The following ZC3H12B variants were observed in gnomAD, a reference collection of about 807,000 sequenced individuals.
The protein encoded by ZC3H12B is zinc finger CCCH-type containing 12B.
In ZC3H12B, 7 loss-of-function variants were observed where a neutral mutation model predicts 43.9. The observed-to-expected ratio is 0.16, with a 90% CI of 0.09 to 0.30. The LOEUF (loss-of-function observed/expected upper bound fraction) is 0.30, where lower values mean the gene tolerates loss of function less well. ZC3H12B is among the 10% of genes least tolerant of loss of function. The pLI, the probability that ZC3H12B is intolerant of heterozygous loss-of-function variation, is 1.00. For synonymous variants in ZC3H12B, 222 were observed against 241.7 expected, an observed-to-expected ratio of 0.92 and a Z score of 0.76; for missense variants, 475 against 670.2, an observed-to-expected ratio of 0.71 and a Z score of 3.22.
At chrX:65,184,083 A>G in the ZC3H12B span, among the ~76,000 whole-genome samples, 1 of 111,430 alleles carries the variant, frequency 9.0e-6, no homozygotes, top group African/African-American at 3.3e-5. Context: ...TATGTAAAGC[A>G]CACAACACAT....
At chrX:65,072,349 G>A in the ZC3H12B span, among the ~76,000 whole-genome samples, 1 of 112,163 alleles carries the variant, frequency 8.9e-6, no homozygotes, top group South Asian at 3.7e-4. Flanking sequence ...ATCAGTTTCT[G>A]TAACATTACA....
the ZC3H12B span, among the ~76,000 whole-genome samples, chrX:65,292,220 T>A: frequency 8.9e-6 from 1 of 111,758 alleles, no homozygotes; most frequent in Non-Finnish European, 1.9e-5. Context: ...CAATTCTTTA[T>A]CTCACATGGA....
the ZC3H12B span, among the ~76,000 whole-genome samples, chrX:65,122,162 T>C: frequency 9.0e-6 from 1 of 111,234 alleles, no homozygotes; most frequent in Non-Finnish European, 1.9e-5. Flanking sequence ...GTCTATTAGG[T>C]CTGCTTGGTG....
At chrX:65,488,937 C>T in exon 1 of ZC3H12B, 1 of 1,210,315 alleles carries the variant, frequency 8.3e-7, no homozygotes, top group African/African-American at 1.7e-5. Context: ...TGAGAGTGAC[C>T]CTGAACAGAT....
the ZC3H12B span, among the ~76,000 whole-genome samples, chrX:65,159,341 C>G: frequency 9.0e-6 from 1 of 111,671 alleles, no homozygotes; most frequent in Non-Finnish European, 1.9e-5. Flanking sequence ...GTCATTGAAT[C>G]TATAAATTAC....
At chrX:65,186,718 G>C in the ZC3H12B span, among the ~76,000 whole-genome samples, 1 of 110,470 alleles carries the variant, frequency 9.1e-6, no homozygotes, top group Admixed American at 9.7e-5. Flanking sequence ...CTGAAGTCCA[G>C]TGTATTATTC....
the ZC3H12B span, among the ~76,000 whole-genome samples, chrX:65,263,177 A>C: frequency 1.8e-5 from 2 of 111,581 alleles, no homozygotes; most frequent in African/African-American, 6.5e-5. Flanking sequence ...TGGTTGGCAG[A>C]TAATCACTTG....
intron 3 of ZC3H12B, among the ~76,000 whole-genome samples, chrX:65,430,914 G>A (rs1214888947): frequency 9.0e-6 from 1 of 111,070 alleles, no homozygotes; most frequent in Non-Finnish European, 1.9e-5. Flanking sequence ...CCCAATGCAA[G>A]AATCAGGATA....
intron 3 of ZC3H12B, among the ~76,000 whole-genome samples, chrX:65,468,857 C>CT (rs1275591786): frequency 7.1e-4 from 77 of 107,823 alleles, no homozygotes; most frequent in Admixed American, 2.6e-3. Context: ...AATTTTCTCT[C>CT]TTTTTTTTTC....
At chrX:65,451,048 A>G (rs953452294) in intron 3 of ZC3H12B, among the ~76,000 whole-genome samples, 2 of 107,827 alleles carry the variant, frequency 1.9e-5, no homozygotes, top group Admixed American at 2.0e-4. Flanking sequence ...CCTGGGTTCA[A>G]GCGATTCTTC....
the ZC3H12B span, among the ~76,000 whole-genome samples, chrX:65,206,408 G>A: frequency 8.9e-5 from 10 of 111,872 alleles, no homozygotes; most frequent in East Asian, 2.8e-3. Flanking sequence ...ACATAAAGTA[G>A]GGAAAGGACA....
chrX:65,473,394 G>T (rs1269867184), intron 3 of ZC3H12B, among the ~76,000 whole-genome samples: 2 of 111,558 alleles, frequency 1.8e-5, no homozygotes, highest in Non-Finnish European at 3.8e-5. Context: ...GCTATTCAGG[G>T]TCTTTTATGG....
At chrX:65,491,684 G>A (rs2068204905) in intron 1 of ZC3H12B, among the ~76,000 whole-genome samples, 1 of 102,047 alleles carries the variant, frequency 9.8e-6, no homozygotes, top group African/African-American at 3.9e-5. Context: ...TCCACCTTGA[G>A]TGATGGAGTG....
chrX:65,498,295 G>C (rs1020695478), intron 2 of ZC3H12B, among the ~76,000 whole-genome samples: 1 of 111,844 alleles, frequency 8.9e-6, no homozygotes, highest in Non-Finnish European at 1.9e-5. Context: ...AACGGCAGAG[G>C]GGTCTCTACA....
the ZC3H12B span, among the ~76,000 whole-genome samples, chrX:65,305,452 G>A: frequency 3.6e-5 from 4 of 111,997 alleles, no homozygotes; most frequent in Admixed American, 1.9e-4. Flanking sequence ...AAGAGATAGC[G>A]ATCTATCAGT....
the ZC3H12B span, among the ~76,000 whole-genome samples, chrX:65,080,861 C>G: frequency 9.0e-6 from 1 of 111,423 alleles, no homozygotes; most frequent in Non-Finnish European, 1.9e-5. Flanking sequence ...ATGTAAACTA[C>G]TCATATCTTA....
the ZC3H12B span, among the ~76,000 whole-genome samples, chrX:65,131,745 T>A: frequency 9.0e-6 from 1 of 111,454 alleles, no homozygotes; most frequent in Non-Finnish European, 1.9e-5. Context: ...CTGGACATGA[T>A]CAGCAGGGAG....
At chrX:65,389,393 C>G (rs984673286) in intron 2 of ZC3H12B, among the ~76,000 whole-genome samples, 2 of 112,483 alleles carry the variant, frequency 1.8e-5, no homozygotes, top group African/African-American at 6.5e-5. Context: ...GACTGCTGTG[C>G]TAGCAGTGAG....
the ZC3H12B span, among the ~76,000 whole-genome samples, chrX:65,052,545 G>T: frequency 5.4e-5 from 6 of 110,644 alleles, no homozygotes. Context: ...GTCTTTCTGT[G>T]CCTGGCTTAT....
Sources: allele counts gnomAD v4.1 joint callset (sites outside exome capture counted in the v4.1 genomes callset), GRCh38; gene constraint gnomAD v4.1.1; transcripts MANE v1.5; gene names NCBI Gene and HGNC (gene_info 2026-07-23, HGNC 2026-07-21).